Variants in SPIRE2 observed in about 807,000 individuals in gnomAD.
SPIRE2 encodes protein spire homolog 2.
SPIRE2 carries 76 observed loss-of-function variants against 80.7 expected under a neutral mutation model. The ratio of observed to expected loss-of-function variants is 0.94; its 90% CI spans 0.78 to 1.14. The LOEUF is 1.14. Ranked by LOEUF, SPIRE2 falls within the 50% of genes most tolerant of loss-of-function variation. The pLI is 0.00. For missense variants in SPIRE2, 1,196 were observed against 1,015.3 expected, an observed-to-expected ratio of 1.18 and a Z score of -2.42; for synonymous variants, 535 against 432.6, an observed-to-expected ratio of 1.24 and a Z score of -2.94.
chr16:89,845,722 T>A (rs1379060740), intron 2 of SPIRE2: 1 of 637,388 alleles, frequency 1.6e-6, no homozygotes, highest in Non-Finnish European at 2.8e-6. Flanking sequence ...ACAGGAAAAA[T>A]CAGCCTGGTG....
rs548092413 is a variant in SPIRE2 at position 89,859,124 on chromosome 16, C to T, written c.1273-41C>T. On this transcript the variant is annotated intron_variant, in intron 8 of 14. Coordinates refer to ENST00000378247, the MANE Select transcript of SPIRE2 (RefSeq NM_032451.2). ...TCCAGGCATGGGCAGGAGGCACTGG[C>T]GGGCATTGTCAGGGCAGGGCCGCGT... 58 of 1,484,330 alleles carry T rather than the reference C, an allele frequency of 3.9e-5. No homozygotes were observed. In the South Asian group the frequency reaches 5.5e-4, roughly 14 times the overall value. The allele number at this position is 1,484,330 out of a possible 1,614,324, so 91.9% of individuals were successfully genotyped here.
intron 13 of SPIRE2, 80 bp from the exon 14 acceptor site, chr16:89,869,487 G>A (rs2041819985): frequency 1.1e-6 from 1 of 936,098 alleles, no homozygotes; most frequent in Non-Finnish European, 1.7e-6. Context: ...CCCAGACTGG[G>A]GAGGGAGGTC....
chr16:89,869,617 C>A lies in SPIRE2; in HGVS notation c.1857C>A (p.Gly619=), dbSNP rs757596632. Residue 619 remains glycine (G), a synonymous_variant, in exon 14 of 15, where the codon GGC becomes GGA. Coordinates refer to ENST00000378247, the MANE Select transcript of SPIRE2 (RefSeq NM_032451.2). ...KFGHIPVYTL[G]FESPQRVSAA... ...GACACATCCCTGTCTACACACTGGG[C>A]TTTGAGAGTCCTCAGAGGGTATCAG... 6.2e-7 allele frequency: 1 copy of A among 1,614,196 alleles called. No individual in the cohort carries two copies. The highest frequency in any genetic ancestry group is 8.5e-7 in the Non-Finnish European group (1 of 1,180,040).
At position 89,828,666 on chromosome 16, in the gene SPIRE2, A is replaced by T. The variant is rs764035111; in HGVS notation, c.116A>T (p.Gln39Leu). 5.9e-6 allele frequency: 8 copies of T among 1,351,910 alleles called. No individual in the cohort carries two copies. In the Admixed American group the frequency reaches 9.7e-5, roughly 16 times the overall value. 83.7% of individuals were successfully genotyped at this position (1,351,910 alleles called of 1,614,324 possible). ...TACGAGCAGCCGCTCAACGAGGAGC[A>T]GGCGTGGGCCGTGTGCTTCCAGGGC... ...KAYEQPLNEE[Q>L]AWAVCFQGCR... is the part of the protein sequence containing the mutation. The change falls in exon 1 of 15, where the codon CAG (glutamine) becomes CTG (leucine). Residue 39 changes from glutamine (Q) to leucine (L), a missense_variant. Coordinates refer to ENST00000378247, the MANE Select transcript of SPIRE2 (RefSeq NM_032451.2). This position sits in a 1 kb window ranked among gnomAD's most constrained non-coding sequence, Gnocchi z 5.9.
intron 12 of SPIRE2, among the ~76,000 whole-genome samples, chr16:89,864,989 A>G (rs1479486226): frequency 6.6e-6 from 1 of 150,996 alleles, no homozygotes; most frequent in Non-Finnish European, 1.5e-5. Flanking sequence ...GAAAATTGGA[A>G]GTATACTTTT....
chr16:89,845,312 T>C lies in SPIRE2; in HGVS notation c.245-10T>C, dbSNP rs759653662. The C allele has an allele frequency of 6.2e-7, 1 of 1,606,454 alleles. No individual in the cohort carries two copies. Among genetic ancestry groups the C allele is most frequent in the Middle Eastern group, 1.6e-4 (1 of 6,082 alleles). ...GCTGACAAATAACTTAACTCCCTCT[T>C]CTCTTACAGAACCTGCAACCATGGT... On this transcript the variant is annotated splice_polypyrimidine_tract_variant and intron_variant, in intron 1 of 14. Transcript: ENST00000378247.
intron 3 of SPIRE2, among the ~76,000 whole-genome samples, chr16:89,853,315 CTTT>C (rs769000764): frequency 2.1e-4 from 6 of 29,006 alleles, no homozygotes; most frequent in Admixed American, 4.5e-4. Context: ...AAAGCACTTT[CTTT>C]AGGAGGAAAC....
chr16:89,853,274 G>T lies in SPIRE2; in HGVS notation c.646-1012G>T, dbSNP rs1223651334. ...CACTTCGGCCTCCCAGAGTGCTGGG[G>T]TTACAGCTATGAGCCACTGTTCCCG... On this transcript the variant is annotated intron_variant, in intron 3 of 14. Coordinates refer to ENST00000378247, the MANE Select transcript of SPIRE2 (RefSeq NM_032451.2). 2.6e-5 allele frequency among the ~76,000 whole-genome samples: 4 copies of T among 151,816 alleles called. No individual in the cohort carries two copies. The South Asian group carries it at 8.3e-4, about 32-fold the overall frequency.
Position 89,858,487 on chromosome 16 carries a change from G to A in SPIRE2, c.1252G>A (p.Glu418Lys), listed in dbSNP as rs764526084. ...LLKAPTLAEM[E>K]EMNTSEEEES... ...CAAGGCGCCTACCTTGGCTGAAATG[G>A]AAGAGATGAATACATCTGAGGTCAG... The change falls in exon 8 of 15, where the codon GAA (glutamate) becomes AAA (lysine). Residue 418 changes from glutamate (E) to lysine (K), a missense_variant. Glu to Lys is a moderately conservative substitution (Grantham distance 56). Coordinates refer to ENST00000378247, the MANE Select transcript of SPIRE2 (RefSeq NM_032451.2). The A allele has an allele frequency of 6.2e-7, 1 of 1,603,402 alleles. No homozygotes were observed. The highest frequency in any genetic ancestry group is 8.5e-7 in the Non-Finnish European group (1 of 1,176,138).
At chr16:89,858,310 C>T (rs763775881) in intron 7 of SPIRE2, 28 bp from the exon 8 acceptor site, 40 of 1,544,452 alleles carry the variant, frequency 2.6e-5, no homozygotes, top group Admixed American at 2.5e-4. Flanking sequence ...TTCACTGGCC[C>T]GTCCTGCCTC....
intron 12 of SPIRE2, among the ~76,000 whole-genome samples, chr16:89,866,425 G>A (rs543571662): frequency 1.3e-5 from 2 of 152,096 alleles, no homozygotes; most frequent in East Asian, 3.9e-4. Flanking sequence ...AGCCTCCTGA[G>A]TAGCTGGCAT....
At chr16:89,842,135 A>T (rs1422194116) in intron 1 of SPIRE2, among the ~76,000 whole-genome samples, 1 of 151,826 alleles carries the variant, frequency 6.6e-6, no homozygotes, top group Non-Finnish European at 1.5e-5. Flanking sequence ...TCCCCCAGAT[A>T]ATCTCTCATC....
At chr16:89,859,443 T>G in intron 9 of SPIRE2, 89 bp downstream of exon 9, 1 of 835,414 alleles carries the variant, frequency 1.2e-6, no homozygotes, top group Non-Finnish European at 1.6e-6. Context: ...GCCCACATCT[T>G]CCTGAGCAGG....
At chr16:89,855,792 G>A in intron 6 of SPIRE2, 106 bp downstream of exon 6, 1 of 1,187,854 alleles carries the variant, frequency 8.4e-7, no homozygotes, top group South Asian at 1.3e-5. Context: ...CAGCCTGGGA[G>A]GTGTCCCAGT....
At chr16:89,843,691 G>GTT (rs1224567542) in intron 1 of SPIRE2, among the ~76,000 whole-genome samples, 94 of 20,622 alleles carry the variant, frequency 4.6e-3, no homozygotes, top group African/African-American at 5.4e-3. Context: ...GTTTGTTTTT[G>GTT]TTTTTTGTTT....
chr16:89,847,416 C>T (rs2041572718), intron 2 of SPIRE2, among the ~76,000 whole-genome samples: 1 of 152,240 alleles, frequency 6.6e-6, no homozygotes. Flanking sequence ...CCGGCTGGCC[C>T]TGCTGTCCCG....
chr16:89,836,154 G>A (rs574992551), intron 1 of SPIRE2: 8 of 454,704 alleles, frequency 1.8e-5, no homozygotes, highest in East Asian at 1.4e-4. Flanking sequence ...CAGCCTGGGC[G>A]ACACAGTGAG....
At chr16:89,834,453 A>G (rs2041422638) in intron 1 of SPIRE2, among the ~76,000 whole-genome samples, 1 of 122,764 alleles carries the variant, frequency 8.1e-6, no homozygotes, top group Non-Finnish European at 1.8e-5. Context: ...CTGGATAAGC[A>G]TAGCCCGTGT....
chr16:89,836,194 A>T, intron 1 of SPIRE2: 1 of 455,924 alleles, frequency 2.2e-6, no homozygotes, highest in South Asian at 1.5e-5. Context: ...AACAAAACAA[A>T]CATAGGTTAT....
Sources: allele counts gnomAD v4.1 joint callset (sites outside exome capture counted in the v4.1 genomes callset), GRCh38; gene constraint gnomAD v4.1.1; non-coding constraint Gnocchi (gnomAD v3.1); transcripts MANE v1.5; gene names NCBI Gene and HGNC (gene_info 2026-07-23, HGNC 2026-07-21).